Variants in OTOGL observed in about 807,000 individuals in gnomAD.
OTOGL encodes the protein otogelin-like protein.
Under a neutral mutation model 318.5 loss-of-function variants are expected in OTOGL, and 285 were observed. That is an observed-to-expected ratio of 0.89 (90% CI 0.81 to 0.99). OTOGL has a LOEUF of 0.99. Among genes scored for constraint, OTOGL ranks in the 50% least tolerant of loss-of-function variants. The pLI is 0.00. For missense variants in OTOGL, 2,899 were observed against 2,845.6 expected (o/e 1.02, Z -0.43); for synonymous variants, 987 against 936.5 (o/e 1.05, Z -0.99).
chr12:80,225,316 T>C (rs1878734387), intron 7 of OTOGL, among the ~76,000 whole-genome samples: 1 of 152,062 alleles, frequency 6.6e-6, no homozygotes, highest in African/African-American at 2.4e-5. Context: ...TGTCCCACTC[T>C]TTTGAGGACT....
intron 26 of OTOGL, among the ~76,000 whole-genome samples, chr12:80,281,558 G>A (rs1884238449): frequency 6.6e-6 from 1 of 151,932 alleles, no homozygotes. Context: ...CTTGATTGTG[G>A]TGGATTAGCT....
intron 26 of OTOGL, among the ~76,000 whole-genome samples, chr12:80,281,322 G>A (rs947231034): frequency 3.3e-5 from 5 of 151,872 alleles, no homozygotes; most frequent in Admixed American, 2.0e-4. Flanking sequence ...AATGATGTTG[G>A]TTGTGGGTTT....
Position 80,233,067 on chromosome 12 carries a change from A to T in OTOGL, c.787A>T (p.Ile263Phe), listed in dbSNP as rs554103618. ...SCGLCGNYNDIQSDDFIILQE... is the reference protein window; with the variant it reads ...SCGLCGNYNDFQSDDFIILQE... ...TGGCCTATGTGGAAACTACAATGAC[A>T]TTCAATCTGATGATTTCATAATTCT... is the stretch of plus-strand genomic sequence containing the variant. Residue 263 changes from isoleucine (I) to phenylalanine (F), a missense_variant, in exon 9 of 59, where the codon ATT becomes TTT. Physicochemically the swap from Ile to Phe is conservative, Grantham distance 21. Around this residue, in one of 3 missense-constraint regions of OTOGL, gnomAD observed 2,607 missense variants for 2,524.9 expected, o/e 1.03. Coordinates refer to ENST00000547103, the MANE Select transcript of OTOGL (RefSeq NM_001378609.3). 2.5e-6 allele frequency: 4 copies of T among 1,596,554 alleles called. No homozygotes were observed. The East Asian group carries it at 8.9e-5, about 36-fold the overall frequency.
chr12:80,220,274 C>T (rs1201525113), intron 6 of OTOGL, among the ~76,000 whole-genome samples: 19 of 152,116 alleles, frequency 1.2e-4, no homozygotes, highest in Admixed American at 1.2e-3. Context: ...ATTCTCCCAC[C>T]TCAGCCTCCC....
At chr12:80,243,087 C>A (rs1291430376) in intron 11 of OTOGL, among the ~76,000 whole-genome samples, 24 of 151,676 alleles carry the variant, frequency 1.6e-4, no homozygotes. Context: ...TTGAGCAAAT[C>A]CAAATAGAAC....
chr12:80,190,756 C>A (rs1875627038), intron 1 of OTOGL, among the ~76,000 whole-genome samples: 1 of 131,766 alleles, frequency 7.6e-6, no homozygotes. Context: ...CACTGCAGTC[C>A]AGCTTGGGCG....
At chr12:80,130,879 T>G (rs1871197539) in intron 1 of OTOGL, 1 of 152,230 alleles carries the variant, frequency 6.6e-6, no homozygotes. Context: ...GAGTTCAACC[T>G]TTCTTTTAAA....
chr12:80,315,363 T>C (rs1004151127), intron 32 of OTOGL, among the ~76,000 whole-genome samples: 1 of 152,318 alleles, frequency 6.6e-6, no homozygotes, highest in Admixed American at 6.5e-5. Flanking sequence ...CATCCAGATT[T>C]GCAATAAGAA....
In OTOGL at chr12:80,219,743, A is replaced by G. The variant is rs189604616; in HGVS notation, c.236-71A>G. The G allele has an allele frequency of 4.2e-6, 4 of 957,670 alleles. No homozygotes were observed. In the Admixed American group the frequency reaches 8.3e-5, roughly 20 times the overall value. The allele number at this position is 957,670 out of a possible 1,614,324, so 59.3% of individuals were successfully genotyped here. A position where few individuals can be genotyped will look rare whatever the true frequency, so the allele number is the denominator to read the frequency against. ...AGTGATTACAATTTGTCCAAGCTATATCTTGACATATTATGCTTAAAAGAA... is the reference window on the plus strand; with the variant it reads ...AGTGATTACAATTTGTCCAAGCTATGTCTTGACATATTATGCTTAAAAGAA... On this transcript the variant is annotated intron_variant, in intron 5 of 58. Coordinates refer to ENST00000547103, the MANE Select transcript of OTOGL (RefSeq NM_001378609.3).
chr12:80,306,856 G>A (rs1886153130), intron 29 of OTOGL, among the ~76,000 whole-genome samples: 2 of 150,242 alleles, frequency 1.3e-5, no homozygotes, highest in East Asian at 1.9e-4. Flanking sequence ...TCTCGCAGAG[G>A]GGGATTTGGC....
chr12:80,332,940 AC>A (rs1212388151), intron 37 of OTOGL, 64 bp from the exon 38 acceptor site: 88 of 1,307,792 alleles, frequency 6.7e-5, no homozygotes, highest in Non-Finnish European at 9.3e-5. Flanking sequence ...AGTTTCTGTC[AC>A]ATATCAATTC....
rs548878280 is a variant in OTOGL, at chr12:80,229,636, GTC to G, written c.611+270_611+271del. Among the ~76,000 whole-genome samples the G allele has an allele frequency of 2.9e-3, 438 of 151,718 alleles. 4 individuals carry two copies. Among genetic ancestry groups the G allele is most frequent in the African/African-American group, 1.0e-2 (413 of 41,382 alleles). On this transcript the variant is annotated intron_variant, in intron 8 of 58. Coordinates refer to ENST00000547103, the MANE Select transcript of OTOGL (RefSeq NM_001378609.3). ...TATGTTTACATGGGTGGAGATGAGA[GTC>G]TCTCTCTCTCTTTTTTTTTTTCTGA...
At chr12:80,312,018 C>A (rs1385511061) in intron 30 of OTOGL, among the ~76,000 whole-genome samples, 3 of 152,042 alleles carry the variant, frequency 2.0e-5, no homozygotes, top group Admixed American at 6.6e-5. Context: ...GTAAAAAATT[C>A]ATTCAAAGGG....
chr12:80,339,298 G>GTTTTTTTTTTTTTTTTTTTT (rs10715159), intron 43 of OTOGL, 34 bp downstream of exon 43: 14 of 538,102 alleles, frequency 2.6e-5, no homozygotes, highest in South Asian at 3.2e-5. Context: ...GATTTCGTCT[G>GTTTTTTTTTTTTTTTTTTTT]TTTTTTTTTT....
At chr12:80,260,647 T>A (rs1214347054) in intron 18 of OTOGL, among the ~76,000 whole-genome samples, 1 of 152,186 alleles carries the variant, frequency 6.6e-6, no homozygotes, top group Admixed American at 6.6e-5. Context: ...ATATTTTGTA[T>A]GCCTTATTAT....
At position 80,255,031 on chromosome 12, in the gene OTOGL, T is replaced by C; in HGVS notation, c.1442-9T>C. 1 of 1,438,596 alleles carries C rather than the reference T, an allele frequency of 7.0e-7. No individual in the cohort carries two copies. The highest frequency in any genetic ancestry group is 9.1e-7 in the Non-Finnish European group (1 of 1,099,090). The allele number at this position is 1,438,596 out of a possible 1,614,324, so 89.1% of individuals were successfully genotyped here. On this transcript the variant is annotated splice_polypyrimidine_tract_variant and intron_variant, in intron 15 of 58. Transcript: ENST00000547103. ...TTCTTTTTCTTTGTTTTCTTTTTTT[T>C]TTTGGCAGTTCAATGCTCAGTTGTA...
At chr12:80,120,228 CA>C (rs1870408845) in intron 1 of OTOGL, among the ~76,000 whole-genome samples, 1 of 151,884 alleles carries the variant, frequency 6.6e-6, no homozygotes, top group South Asian at 2.1e-4. Context: ...TCAGATAATG[CA>C]AAAAGATGTG....
chr12:80,377,028 C>T (rs1891208743), intron 57 of OTOGL, 95 bp from the exon 58 acceptor site: 2 of 739,606 alleles, frequency 2.7e-6, no homozygotes, highest in Non-Finnish European at 4.2e-6. Flanking sequence ...TATATAAATA[C>T]ACCAATTTTC....
intron 1 of OTOGL, among the ~76,000 whole-genome samples, chr12:80,141,730 T>C (rs938649739): frequency 6.6e-6 from 1 of 152,174 alleles, no homozygotes; most frequent in Non-Finnish European, 1.5e-5. Flanking sequence ...ACTTTTTGTA[T>C]TAGTTCAACA....
Sources: gnomAD v4.1 joint callset for allele counts (sites outside exome capture counted in the v4.1 genomes callset) on GRCh38, gnomAD v4.1.1 for gene constraint, gnomAD v4.1.1 regional missense constraint, MANE v1.5 for transcripts, NCBI Gene and HGNC (gene_info 2026-07-23, HGNC 2026-07-21) for gene names.